GRM7: variants seen among roughly 807,000 people sequenced by gnomAD.
The protein encoded by GRM7 is glutamate metabotropic receptor 7.
A neutral mutation model predicts 84.5 loss-of-function variants in GRM7; 35 were observed. The ratio of observed to expected loss-of-function variants is 0.41; its 90% CI spans 0.32 to 0.55. The LOEUF (loss-of-function observed/expected upper bound fraction) is 0.55, where lower values mean the gene tolerates loss of function less well. Among genes scored for constraint, GRM7 ranks in the 20% least tolerant of loss-of-function variants. GRM7 has a pLI of 0.19. For missense variants in GRM7, 1,003 were observed against 1,194.6 expected (o/e 0.84, Z 2.36); for synonymous variants, 487 against 455.1 (o/e 1.07, Z -0.89).
chr3:7,166,099 G>T (rs994336543), intron 2 of GRM7, among the ~76,000 whole-genome samples: 6 of 152,170 alleles, frequency 3.9e-5, no homozygotes, highest in Non-Finnish European at 7.4e-5. Context: ...CAGAATTAAA[G>T]AAACTGGGAC....
chr3:7,610,535 C>T (rs554770389), intron 8 of GRM7, among the ~76,000 whole-genome samples: 1 of 152,098 alleles, frequency 6.6e-6, no homozygotes, highest in South Asian at 2.1e-4. Flanking sequence ...GAAATCACTA[C>T]TTAGAATTTA....
intron 2 of GRM7, among the ~76,000 whole-genome samples, chr3:7,282,500 A>G (rs1301361564): frequency 6.6e-6 from 1 of 152,184 alleles, no homozygotes; most frequent in African/African-American, 2.4e-5. Context: ...ACTTGTCATC[A>G]CTAGATCATC....
Position 7,167,696 on chromosome 3 carries a change from A to G in GRM7, c.736+21028A>G, listed in dbSNP as rs188817263. ...TTAAAAAAAAGAATGCAGGCCGGGCACGGGGGCTCACGCCTGTAATCCCAG... is the reference window on the plus strand; with the variant it reads ...TTAAAAAAAAGAATGCAGGCCGGGCGCGGGGGCTCACGCCTGTAATCCCAG... On this transcript the variant is annotated intron_variant, in intron 2 of 9. Transcript: ENST00000357716. Among the ~76,000 whole-genome samples, 33 of 152,224 alleles carry G rather than the reference A, an allele frequency of 2.2e-4. No individual in the cohort carries two copies. The East Asian group carries it at 5.0e-3, about 23-fold the overall frequency.
rs755371859 is a variant in GRM7, at chr3:7,306,644, C to T, written c.1025C>T (p.Thr342Met). ...GAITIQPKRATVEGFDAYFTS... is the reference protein window; with the variant it reads ...GAITIQPKRAMVEGFDAYFTS... ...ATCACCATTCAGCCCAAGCGAGCCA[C>T]GGTGGAAGGTATGGGTTTCATCAGC... is the stretch of plus-strand genomic sequence containing the variant. The change falls in exon 4 of 10, where the codon ACG (threonine) becomes ATG (methionine). Residue 342 changes from threonine to methionine, a missense_variant. By Grantham distance (81) the Thr-to-Met change is moderately conservative. Around this residue, in one of 2 missense-constraint regions of GRM7, gnomAD observed 910 missense variants for 1,126.0 expected, o/e 0.81. Transcript: ENST00000357716. 3.4e-5 allele frequency: 54 copies of T among 1,600,202 alleles called. No individual in the cohort carries two copies. The highest frequency in any genetic ancestry group is 3.3e-4 in the Middle Eastern group (2 of 5,990).
At chr3:7,551,317 G>A (rs571723637) in intron 7 of GRM7, among the ~76,000 whole-genome samples, 2 of 152,106 alleles carry the variant, frequency 1.3e-5, no homozygotes, top group African/African-American at 2.4e-5. Context: ...GGTTTTTCAC[G>A]TGTAAAACAA....
At chr3:7,195,669 T>C (rs1382743236) in intron 2 of GRM7, among the ~76,000 whole-genome samples, 3 of 151,884 alleles carry the variant, frequency 2.0e-5, no homozygotes, top group Admixed American at 6.6e-5. Flanking sequence ...GAATAAATAA[T>C]GGGAGGAAAA....
intron 8 of GRM7, among the ~76,000 whole-genome samples, chr3:7,653,433 C>G (rs1021994438): frequency 2.6e-5 from 4 of 151,972 alleles, no homozygotes; most frequent in African/African-American, 9.7e-5. Flanking sequence ...ATCTGAGAAG[C>G]CATTGGATTT....
Position 7,118,590 on chromosome 3 carries a change from C to T in GRM7, c.520-27862C>T, listed in dbSNP as rs1339018397. ...ATGTGGTTAATTTGAAAATTGGAGG[C>T]TCGATCTTTCCAATTTCTGCTAAAA... On this transcript the variant is annotated intron_variant, in intron 1 of 9. Coordinates refer to ENST00000357716, the MANE Select transcript of GRM7 (RefSeq NM_000844.4). Among the ~76,000 whole-genome samples, 4 of 147,788 alleles carry T rather than the reference C, an allele frequency of 2.7e-5. No individual in the cohort carries two copies. The East Asian group carries it at 7.9e-4, about 29-fold the overall frequency.
chr3:7,205,195 A>G (rs1390298931), intron 2 of GRM7, among the ~76,000 whole-genome samples: 1 of 152,214 alleles, frequency 6.6e-6, no homozygotes, highest in Non-Finnish European at 1.5e-5. Context: ...AGTTAACAGC[A>G]ATGTTCATAT....
chr3:7,598,276 A>T (rs1194332465), intron 8 of GRM7, among the ~76,000 whole-genome samples: 1 of 152,188 alleles, frequency 6.6e-6, no homozygotes, highest in Non-Finnish European at 1.5e-5. Flanking sequence ...TAGCTGTGCT[A>T]TTTGGACACA....
chr3:7,442,555 G>C (rs1329844789), intron 5 of GRM7, among the ~76,000 whole-genome samples: 1 of 152,106 alleles, frequency 6.6e-6, no homozygotes, highest in African/African-American at 2.4e-5. Flanking sequence ...AAATTCTGAA[G>C]TGAGATTAAT....
intron 7 of GRM7, among the ~76,000 whole-genome samples, chr3:7,525,528 G>A (rs6765619): frequency 0.61 from 93,240 of 151,858 alleles, 29,671 homozygotes; most frequent in African/African-American, 0.79. Flanking sequence ...TGGGAACAGA[G>A]TTTTTACATT....
At chr3:7,315,752 T>A (rs1700559750) in intron 4 of GRM7, among the ~76,000 whole-genome samples, 1 of 152,096 alleles carries the variant, frequency 6.6e-6, no homozygotes, top group Admixed American at 6.5e-5. Flanking sequence ...CCCATCCTAT[T>A]TGTCTTTTTC....
intron 2 of GRM7, among the ~76,000 whole-genome samples, chr3:7,159,771 C>G (rs1342062814): frequency 6.6e-6 from 1 of 152,146 alleles, no homozygotes; most frequent in Non-Finnish European, 1.5e-5. Context: ...AAGCCCATGT[C>G]TAGTCTGGTA....
chr3:7,109,850 T>A (rs1404711419), intron 1 of GRM7, among the ~76,000 whole-genome samples: 1 of 152,134 alleles, frequency 6.6e-6, no homozygotes, highest in African/African-American at 2.4e-5. Context: ...TCCATTGTTG[T>A]GGATAGTATG....
At chr3:7,695,094 T>C (rs1354608573) in intron 9 of GRM7, among the ~76,000 whole-genome samples, 2 of 152,336 alleles carry the variant, frequency 1.3e-5, no homozygotes, top group Non-Finnish European at 2.9e-5. Flanking sequence ...TTTGGGTTTA[T>C]TGCACAAGTG....
At chr3:7,694,969 T>C (rs1233855761) in intron 9 of GRM7, among the ~76,000 whole-genome samples, 1 of 152,212 alleles carries the variant, frequency 6.6e-6, no homozygotes, top group Non-Finnish European at 1.5e-5. Context: ...AACAGTCTTA[T>C]TTTTTAAATT....
intron 4 of GRM7, among the ~76,000 whole-genome samples, chr3:7,327,214 G>A (rs1407159605): frequency 2.6e-5 from 4 of 152,074 alleles, no homozygotes; most frequent in African/African-American, 9.7e-5. Flanking sequence ...TATAACTCAG[G>A]AAAAAATATT....
At chr3:6,951,707 C>G (rs888195571) in intron 1 of GRM7, among the ~76,000 whole-genome samples, 1 of 152,034 alleles carries the variant, frequency 6.6e-6, no homozygotes, top group Admixed American at 6.6e-5. Context: ...TTCCAAGTCC[C>G]CTTTCAGAAA....
Sources: gnomAD v4.1 joint callset for allele counts (sites outside exome capture counted in the v4.1 genomes callset) on GRCh38, gnomAD v4.1.1 for gene constraint, gnomAD v4.1.1 regional missense constraint, MANE v1.5 for transcripts, NCBI Gene and HGNC (gene_info 2026-07-23, HGNC 2026-07-21) for gene names.